GRAMD4: variants seen among roughly 807,000 people sequenced by gnomAD.
GRAMD4 encodes GRAM domain-containing protein 4.
A neutral mutation model predicts 83.9 loss-of-function variants in GRAMD4; 25 were observed. That is an observed-to-expected ratio of 0.30 (90% CI 0.22 to 0.42). GRAMD4 has a LOEUF of 0.42. Among genes scored for constraint, GRAMD4 ranks in the 10% least tolerant of loss-of-function variants. The pLI, the probability that GRAMD4 is intolerant of heterozygous loss-of-function variation, is 1.00. For synonymous variants in GRAMD4, 336 were observed against 320.9 expected (o/e 1.05, Z -0.50); for missense variants, 593 against 788.7 (o/e 0.75, Z 2.97).
At chr22:46,606,809 C>T (rs1015211258) in intron 1 of GRAMD4, among the ~76,000 whole-genome samples, 1 of 152,262 alleles carries the variant, frequency 6.6e-6, no homozygotes, top group Non-Finnish European at 1.5e-5. Context: ...TTGGCTTGGG[C>T]GAATGGTGCT....
downstream of GRAMD4, chr22:46,682,415 A>G: frequency 1.0e-6 from 1 of 984,992 alleles, no homozygotes; most frequent in Non-Finnish European, 1.2e-6. Context: ...TCACAGGTAA[A>G]TCATCATCAT....
chr22:46,673,028 GGGA>G, intron 14 of GRAMD4, 31 bp downstream of exon 14: 2 of 1,514,422 alleles, frequency 1.3e-6, no homozygotes, highest in Non-Finnish European at 1.8e-6. Flanking sequence ...CGGGGATGGG[GGGA>G]TGGGGGGCCA....
At chr22:46,600,931 G>T (rs1297246807) in intron 1 of GRAMD4, among the ~76,000 whole-genome samples, 4 of 152,060 alleles carry the variant, frequency 2.6e-5, no homozygotes, top group African/African-American at 9.7e-5. Context: ...GGATCACAAG[G>T]TCAGGAGTTC....
chr22:46,583,059 G>A (rs767034135), intron 1 of GRAMD4, among the ~76,000 whole-genome samples: 1 of 152,248 alleles, frequency 6.6e-6, no homozygotes, highest in Non-Finnish European at 1.5e-5. Context: ...CAAGTAGCTG[G>A]GGTGACAGAC....
chr22:46,678,955 G>C lies in GRAMD4; in HGVS notation c.*1704G>C, dbSNP rs149526341. On this transcript the variant is annotated 3_prime_UTR_variant, in exon 19 of 19. Transcript: ENST00000406902. ...GGATGACCACACGGCGGCCTTTCCC[G>C]AATGGGGACAGAACCCGCTCTGAGC... 1.0e-6 allele frequency: 1 copy of C among 985,668 alleles called. No homozygotes were observed. The highest frequency in any genetic ancestry group is 6.1e-5 in the Admixed American group (1 of 16,272). 61.1% of individuals were successfully genotyped at this position (985,668 alleles called of 1,614,324 possible). A position where few individuals can be genotyped will look rare whatever the true frequency, so the allele number is the denominator to read the frequency against.
Position 46,659,612 on chromosome 22 carries a change from G to T in GRAMD4, c.404+1305G>T, listed in dbSNP as rs573415070. Reference sequence around the variant, plus strand: ...AAGCGGCTCCCTTCAGCACCCTCAGGTTTAGTGTGTGGGAAGACGGGGGAT... The same window carrying T: ...AAGCGGCTCCCTTCAGCACCCTCAGTTTTAGTGTGTGGGAAGACGGGGGAT... On this transcript the variant is annotated intron_variant, in intron 4 of 18. Transcript: ENST00000406902. This position sits in a 1 kb window ranked among gnomAD's most constrained non-coding sequence, Gnocchi z 4.1. 6.6e-6 allele frequency among the ~76,000 whole-genome samples: 1 copy of T among 152,230 alleles called. No individual in the cohort carries two copies. Among genetic ancestry groups the T allele is most frequent in the Non-Finnish European group, 1.5e-5 (1 of 68,046 alleles).
chr22:46,576,793 C>A (rs2337058), upstream of GRAMD4, among the ~76,000 whole-genome samples: 1 of 149,960 alleles, frequency 6.7e-6, no homozygotes, highest in African/African-American at 2.4e-5. Flanking sequence ...GAGCGTGCTC[C>A]CGCGGGTGAG....
rs1364125244 is a variant in GRAMD4 at position 46,621,521 on chromosome 22, A to C, written c.-50+956A>C. Among the ~76,000 whole-genome samples, 15 of 128,218 alleles carry C rather than the reference A, an allele frequency of 1.2e-4. No homozygotes were observed. Among genetic ancestry groups the C allele is most frequent in the Non-Finnish European group, 2.1e-4 (13 of 60,808 alleles). 84.1% of individuals were successfully genotyped at this position (128,218 alleles called of 152,430 possible). ...TCCCTGGCGGTGTGTCGCGGAGGGCACCCCTACCCCGGTGCAGGCGCAGGC... is the reference window on the plus strand; with the variant it reads ...TCCCTGGCGGTGTGTCGCGGAGGGCCCCCCTACCCCGGTGCAGGCGCAGGC... On this transcript the variant is annotated intron_variant, in intron 1 of 18. Coordinates refer to ENST00000406902, the MANE Select transcript of GRAMD4 (RefSeq NM_015124.5). This position sits in a 1 kb window ranked among gnomAD's most constrained non-coding sequence, Gnocchi z 5.8.
intron 3 of GRAMD4, among the ~76,000 whole-genome samples, chr22:46,640,765 C>G (rs1474118411): frequency 2.0e-5 from 3 of 152,158 alleles, no homozygotes; most frequent in Non-Finnish European, 4.4e-5. Context: ...CAGCAAGATT[C>G]CGGACCAGGC....
intron 1 of GRAMD4, among the ~76,000 whole-genome samples, chr22:46,582,670 G>A (rs896136622): frequency 1.3e-5 from 2 of 152,204 alleles, no homozygotes; most frequent in African/African-American, 4.8e-5. Context: ...CAGGCTGGGA[G>A]TGAATTTGTT....
chr22:46,666,010 G>A lies in GRAMD4; in HGVS notation c.809+304G>A, dbSNP rs558655334. ...GGCTTCTCCCCAACATCAGTGGGTA[G>A]GTGGGTGAAGCAAACAGGGCTCCAC... On this transcript the variant is annotated intron_variant, in intron 9 of 18. Coordinates refer to ENST00000406902, the MANE Select transcript of GRAMD4 (RefSeq NM_015124.5). Among the ~76,000 whole-genome samples, 49 of 152,364 alleles carry A rather than the reference G, an allele frequency of 3.2e-4. No individual in the cohort carries two copies. The East Asian group carries it at 9.1e-3, about 28-fold the overall frequency.
downstream of GRAMD4, among the ~76,000 whole-genome samples, chr22:46,680,813 T>G (rs1419326948): frequency 1.3e-5 from 1 of 74,374 alleles, no homozygotes; most frequent in Non-Finnish European, 2.2e-5. Flanking sequence ...TACCCATCCA[T>G]CCATCCATCC....
At chr22:46,592,030 C>T (rs2081215136) in intron 1 of GRAMD4, among the ~76,000 whole-genome samples, 1 of 151,996 alleles carries the variant, frequency 6.6e-6, no homozygotes, top group Non-Finnish European at 1.5e-5. Flanking sequence ...GCCCCCAAGT[C>T]CCCACACTTG....
At chr22:46,648,915 G>GATGGATGGATGGATGC in intron 3 of GRAMD4, among the ~76,000 whole-genome samples, 1 of 99,974 alleles carries the variant, frequency 1.0e-5, no homozygotes, top group Non-Finnish European at 2.3e-5. Context: ...TGGATGGATG[G>GATGGATGGATGGATGC]ATGGATGGAT....
At chr22:46,611,996 CA>C (rs61392000) in intron 1 of GRAMD4, among the ~76,000 whole-genome samples, 15 of 50,162 alleles carry the variant, frequency 3.0e-4, no homozygotes, top group South Asian at 1.3e-3. Flanking sequence ...GACTCCATCT[CA>C]AAAAAAAAAA....
At chr22:46,624,525 C>T (rs1374028606) in intron 1 of GRAMD4, among the ~76,000 whole-genome samples, 6 of 152,024 alleles carry the variant, frequency 3.9e-5, no homozygotes, top group African/African-American at 1.4e-4. Context: ...GACAGGGTTT[C>T]ACCATGTTGG....
rs372875235 is a variant in GRAMD4, at chr22:46,668,772, C to T, written c.975-27C>T. On this transcript the variant is annotated intron_variant, in intron 12 of 18. Transcript: ENST00000406902. ...CCACCCCGGCCCTGCGGCGCCCGCC[C>T]GGCCTGAGCCTCCCGTCTCCTTCCA... The T allele has an allele frequency of 9.4e-5, 122 of 1,303,082 alleles. 1 individual carries two copies. The highest frequency in any genetic ancestry group is 4.8e-4 in the Admixed American group (25 of 52,546). The allele number at this position is 1,303,082 out of a possible 1,614,324, so 80.7% of individuals were successfully genotyped here.
chr22:46,604,790 T>C (rs933342315), intron 1 of GRAMD4, among the ~76,000 whole-genome samples: 1 of 151,976 alleles, frequency 6.6e-6, no homozygotes, highest in Non-Finnish European at 1.5e-5. Context: ...GCCATAATGT[T>C]CTCCGGGTTC....
At chr22:46,640,296 A>T (rs1415694122) in intron 3 of GRAMD4, among the ~76,000 whole-genome samples, 1 of 152,164 alleles carries the variant, frequency 6.6e-6, no homozygotes. Flanking sequence ...ATCTGTGAGC[A>T]TCAACAGAGA....
Sources: gnomAD v4.1 joint callset for allele counts (sites outside exome capture counted in the v4.1 genomes callset) on GRCh38, gnomAD v4.1.1 for gene constraint, Gnocchi (gnomAD v3.1) non-coding constraint, MANE v1.5 for transcripts, NCBI Gene and HGNC (gene_info 2026-07-23, HGNC 2026-07-21) for gene names.